Variants in VIPAS39 observed in about 807,000 individuals in gnomAD.
VIPAS39 encodes VPS33B interacting protein, apical-basolateral polarity regulator, spe-39 homolog.
In VIPAS39, 63 loss-of-function variants were observed where a neutral mutation model predicts 84.7. That is an observed-to-expected ratio of 0.74 (90% CI 0.61 to 0.92). The LOEUF is 0.92. VIPAS39 is among the 40% of genes least tolerant of loss of function. VIPAS39 has a pLI of 0.00. For missense variants in VIPAS39, 499 were observed against 604.5 expected, an observed-to-expected ratio of 0.83 and a Z score of 1.83; for synonymous variants, 192 against 216.5, an observed-to-expected ratio of 0.89 and a Z score of 0.99.
intron 18 of VIPAS39, among the ~76,000 whole-genome samples, chr14:77,428,798 A>C (rs2078471901): frequency 6.6e-6 from 1 of 152,220 alleles, no homozygotes; most frequent in Non-Finnish European, 1.5e-5. Context: ...AAGTACGACA[A>C]GTTTATAAAA....
At chr14:77,450,838 T>TA (rs1346428142) in intron 4 of VIPAS39, among the ~76,000 whole-genome samples, 1 of 152,176 alleles carries the variant, frequency 6.6e-6, no homozygotes, top group African/African-American at 2.4e-5. Flanking sequence ...TAATTTTTTT[T>TA]AAAAAACCAC....
At chr14:77,454,637 G>A (rs988447308) in intron 1 of VIPAS39, among the ~76,000 whole-genome samples, 4 of 141,364 alleles carry the variant, frequency 2.8e-5, no homozygotes, top group African/African-American at 7.9e-5. Flanking sequence ...TCGCACCATT[G>A]CACTCCAGCC....
chr14:77,444,208 A>C (rs1223470683), intron 8 of VIPAS39, 41 bp downstream of exon 8: 19 of 1,585,174 alleles, frequency 1.2e-5, no homozygotes, highest in Non-Finnish European at 1.6e-5. Context: ...AAACTAGTGA[A>C]AACAATAATT....
At position 77,453,328 on chromosome 14, in the gene VIPAS39, C is replaced by T. The variant is rs146723692; in HGVS notation, c.167G>A (p.Arg56Gln). 1.4e-5 allele frequency: 23 copies of T among 1,613,980 alleles called. No individual in the cohort carries two copies. Among genetic ancestry groups the T allele is most frequent in the East Asian group, 1.3e-4 (6 of 44,900 alleles). The change falls in exon 3 of 20, where the codon CGA (arginine) becomes CAA (glutamine). Residue 56 changes from arginine to glutamine, a missense_variant. Transcript: ENST00000557658. ...CACAGGTTCCCCACTCCAGCTGACT[C>T]GCTCCAGGTCATCATCGTCATCATC... ...VDDDDDDDLE[R>Q]VSWSGEPVGS...
chr14:77,454,533 G>GC (rs994151783), intron 1 of VIPAS39, among the ~76,000 whole-genome samples: 5 of 152,102 alleles, frequency 3.3e-5, no homozygotes, highest in Admixed American at 2.6e-4. Context: ...AATTAGCCGG[G>GC]CATGGTGGCG....
In VIPAS39 at chr14:77,434,298, T is replaced by C. The variant is rs759729606; in HGVS notation, c.1053A>G (p.Thr351=). 1.2e-6 allele frequency: 2 copies of C among 1,614,146 alleles called. No individual in the cohort carries two copies. The highest frequency in any genetic ancestry group is 1.7e-6 in the Non-Finnish European group (2 of 1,180,006). The change falls in exon 15 of 20, where the codon ACA becomes ACG. Residue 351 remains threonine, a synonymous_variant. Transcript: ENST00000557658. ...TCTTCAGGTTGACGGGACTGCTGAA[T>C]GTCCCCTAGGATGAAAGTGAAAAAG... ...CFYHYTEAEG[T]FSSPVNLKKT... is the part of the protein sequence containing the mutation.
chr14:77,446,141 G>A (rs773677526), intron 7 of VIPAS39, among the ~76,000 whole-genome samples: 2 of 151,758 alleles, frequency 1.3e-5, no homozygotes, highest in Non-Finnish European at 2.9e-5. Flanking sequence ...TTGTGTCCTA[G>A]GTAATAAATC....
rs1407975894 is a variant in VIPAS39 at position 77,444,267 on chromosome 14, A to G, written c.579T>C (p.Asp193=). ...QLLEEAVSMH[D]GNVITAVLIF... is the part of the protein sequence containing the mutation. The stretch of plus-strand genomic sequence containing the variant: ...AACTCACTGCAGTAATGACGTTTCC[A>G]TCATGCATGCTTACTGCCTCTTCTA... The change falls in exon 8 of 20, where the codon GAT becomes GAC. Residue 193 remains aspartate, a synonymous_variant. Transcript: ENST00000557658. The G allele has an allele frequency of 1.2e-6, 2 of 1,613,684 alleles. No homozygotes were observed. Among genetic ancestry groups the G allele is most frequent in the African/African-American group, 2.7e-5 (2 of 74,938 alleles).
intron 11 of VIPAS39, among the ~76,000 whole-genome samples, chr14:77,440,832 C>A (rs553111681): frequency 6.6e-6 from 1 of 152,318 alleles, no homozygotes; most frequent in South Asian, 2.1e-4. Context: ...AATTCTCCTG[C>A]CTCAGCCTCC....
At chr14:77,436,816 A>C (rs1007848764) in intron 12 of VIPAS39, among the ~76,000 whole-genome samples, 43 of 152,186 alleles carry the variant, frequency 2.8e-4, no homozygotes, top group Admixed American at 2.6e-4. Flanking sequence ...GGGGAAGGCC[A>C]AGAATAGAAG....
At chr14:77,457,468 G>T in intron 1 of VIPAS39, 27 bp downstream of exon 1, 2 of 1,441,804 alleles carry the variant, frequency 1.4e-6, no homozygotes, top group South Asian at 1.2e-5. Context: ...CCAGATACGC[G>T]ACCCAAGGGG....
chr14:77,441,156 C>A, intron 10 of VIPAS39, 63 bp from the exon 11 acceptor site: 1 of 1,593,856 alleles, frequency 6.3e-7, no homozygotes, highest in Non-Finnish European at 8.6e-7. Context: ...TATAACCTCA[C>A]AAAATCGAGT....
chr14:77,438,371 G>A (rs528400673), intron 11 of VIPAS39, among the ~76,000 whole-genome samples: 3 of 152,220 alleles, frequency 2.0e-5, no homozygotes, highest in South Asian at 4.1e-4. Context: ...TGGGATTACA[G>A]GTGCCCACCA....
At chr14:77,452,786 A>AG (rs1034686131) in intron 3 of VIPAS39, among the ~76,000 whole-genome samples, 3 of 108,666 alleles carry the variant, frequency 2.8e-5, no homozygotes, top group African/African-American at 1.1e-4. Context: ...TCTCAAAAAA[A>AG]AAAAAAAAAA....
At chr14:77,453,946 G>T in intron 2 of VIPAS39, 64 bp downstream of exon 2, 2 of 1,509,432 alleles carry the variant, frequency 1.3e-6, no homozygotes, top group Non-Finnish European at 1.8e-6. Context: ...TACCCAGAAT[G>T]CAAGAGGAAG....
intron 4 of VIPAS39, 81 bp downstream of exon 4, chr14:77,451,106 C>G: frequency 6.3e-7 from 1 of 1,598,280 alleles, no homozygotes; most frequent in Non-Finnish European, 8.6e-7. Context: ...CTTTTTCTTA[C>G]AAAGTAAATG....
chr14:77,438,820 GACTC>G (rs1349386362), intron 11 of VIPAS39, among the ~76,000 whole-genome samples: 1 of 152,094 alleles, frequency 6.6e-6, no homozygotes, highest in East Asian at 1.9e-4. Flanking sequence ...ATGTCATTCT[GACTC>G]ACTGTTCATA....
chr14:77,446,918 C>T (rs2078799378), intron 7 of VIPAS39, among the ~76,000 whole-genome samples: 1 of 151,894 alleles, frequency 6.6e-6, no homozygotes, highest in Non-Finnish European at 1.5e-5. Context: ...CTCAAGCAAT[C>T]CTTCCATCTC....
chr14:77,433,982 G>T lies in VIPAS39; in HGVS notation c.1090-51C>A, dbSNP rs369532180. Reference sequence around the variant, plus strand: ...TAAGGGGAAGTAGAAATACATCAATGGGGGTGCTTAAGAATTTTAGAAAAG... The same window carrying T: ...TAAGGGGAAGTAGAAATACATCAATTGGGGTGCTTAAGAATTTTAGAAAAG... On this transcript the variant is annotated intron_variant, in intron 15 of 19. Transcript: ENST00000557658. 13 of 1,559,218 alleles carry T rather than the reference G, an allele frequency of 8.3e-6. No homozygotes were observed. The East Asian group carries it at 2.7e-4, about 32-fold the overall frequency.
Sources: allele counts gnomAD v4.1 joint callset (sites outside exome capture counted in the v4.1 genomes callset), GRCh38; gene constraint gnomAD v4.1.1; transcripts MANE v1.5; gene names NCBI Gene and HGNC (gene_info 2026-07-23, HGNC 2026-07-21).